UVRAG: variants seen among roughly 807,000 people sequenced by gnomAD.
UVRAG encodes UV radiation resistance-associated gene protein.
Under a neutral mutation model 78.0 loss-of-function variants are expected in UVRAG, and 19 were observed. That is an observed-to-expected ratio of 0.24 (90% CI 0.17 to 0.36). The LOEUF is 0.36. Ranked by LOEUF, UVRAG falls within the 10% of genes least tolerant of loss-of-function variation. The pLI is 1.00. For missense variants in UVRAG, 740 were observed against 853.8 expected, an observed-to-expected ratio of 0.87 and a Z score of 1.66; for synonymous variants, 323 against 324.6, an observed-to-expected ratio of 1.00 and a Z score of 0.05.
intron 12 of UVRAG, among the ~76,000 whole-genome samples, chr11:76,030,949 A>G (rs917188495): frequency 3.9e-5 from 6 of 152,138 alleles, no homozygotes; most frequent in African/African-American, 7.2e-5. Flanking sequence ...TGTCTGAAAT[A>G]TTTTCAGGGT....
intron 14 of UVRAG, among the ~76,000 whole-genome samples, chr11:76,120,683 T>C (rs1410696118): frequency 6.6e-6 from 1 of 152,198 alleles, no homozygotes; most frequent in Non-Finnish European, 1.5e-5. Context: ...TAAAATAGGC[T>C]ACTAAAGTAG....
At chr11:76,110,620 G>A (rs74538954) in intron 13 of UVRAG, among the ~76,000 whole-genome samples, 109 of 152,202 alleles carry the variant, frequency 7.2e-4, no homozygotes, top group South Asian at 2.1e-3. Context: ...TAGGGTCAAG[G>A]GTAAAATGCC....
chr11:75,924,958 A>T (rs1014695811), intron 6 of UVRAG, among the ~76,000 whole-genome samples: 2 of 152,232 alleles, frequency 1.3e-5, no homozygotes, highest in Non-Finnish European at 2.9e-5. Flanking sequence ...ATAAAATAGG[A>T]AGAATAAAAT....
intron 11 of UVRAG, among the ~76,000 whole-genome samples, chr11:76,015,484 T>C (rs1341826014): frequency 6.6e-6 from 1 of 152,172 alleles, no homozygotes; most frequent in African/African-American, 2.4e-5. Flanking sequence ...TGAGCCTTAG[T>C]TTGTTTATCT....
intron 6 of UVRAG, among the ~76,000 whole-genome samples, chr11:75,928,955 A>AAAAAAAAAAAAAAAAAAAAAAAT (rs1948172057): frequency 6.6e-6 from 1 of 150,686 alleles, no homozygotes; most frequent in African/African-American, 2.4e-5. Context: ...AAAAAAAAAA[A>AAAAAAAAAAAAAAAAAAAAAAAT]AAAAAAAAAG....
Position 75,995,501 on chromosome 11 carries a change from G to GAA in UVRAG, c.827-8490_827-8489dup, listed in dbSNP as rs71471398. ...TGTAATAGTTTCTTATTGTCATTTT[G>GAA]AAAAAAAAAAAAAAAGAGTAATTAA... is the stretch of plus-strand genomic sequence containing the variant. On this transcript the variant is annotated intron_variant, in intron 8 of 14. Coordinates refer to ENST00000356136, the MANE Select transcript of UVRAG (RefSeq NM_003369.4). 4.0e-3 allele frequency among the ~76,000 whole-genome samples: 481 copies of GAA among 120,046 alleles called. 3 individuals are homozygous for GAA. Among genetic ancestry groups the GAA allele is most frequent in the East Asian group, 0.026 (88 of 3,426 alleles). 78.8% of individuals were successfully genotyped at this position (120,046 alleles called of 152,430 possible).
chr11:76,078,533 G>T (rs1452907702), intron 13 of UVRAG, among the ~76,000 whole-genome samples: 2 of 151,740 alleles, frequency 1.3e-5, no homozygotes, highest in Non-Finnish European at 2.9e-5. Context: ...TGAAAGGAAT[G>T]AAATTTTGTC....
chr11:76,096,687 C>A (rs907564468), intron 13 of UVRAG, among the ~76,000 whole-genome samples: 1 of 152,178 alleles, frequency 6.6e-6, no homozygotes, highest in African/African-American at 2.4e-5. Context: ...CCATAGAATT[C>A]TGTGCCTAAC....
rs11825050 is a variant in UVRAG at position 75,815,801 on chromosome 11, C to A, written c.117+277C>A. On this transcript the variant is annotated intron_variant, in intron 1 of 14. Coordinates refer to ENST00000356136, the MANE Select transcript of UVRAG (RefSeq NM_003369.4). ...AGCTCAAGTCCCTGGGGCCCCGGCC[C>A]GAGGCCGCCTCCCCCAACGCAGGGA... 9.1e-3 allele frequency among the ~76,000 whole-genome samples: 1,384 copies of A among 152,244 alleles called. 23 individuals carry two copies. Among genetic ancestry groups the A allele is most frequent in the African/African-American group, 0.032 (1,333 of 41,550 alleles).
Position 76,078,648 on chromosome 11 carries a change from A to G in UVRAG, c.1305+12860A>G, listed in dbSNP as rs140285957. On this transcript the variant is annotated intron_variant, in intron 13 of 14. Transcript: ENST00000356136. Reference sequence around the variant, plus strand: ...ACCGGGTGCGGTGGCTCACACCTGTAATCCCAGCACTTTGGGAGGCCGAGG... The same window carrying G: ...ACCGGGTGCGGTGGCTCACACCTGTGATCCCAGCACTTTGGGAGGCCGAGG... Among the ~76,000 whole-genome samples the G allele has an allele frequency of 5.7e-3, 863 of 151,476 alleles. 9 individuals carry two copies. Among genetic ancestry groups the G allele is most frequent in the African/African-American group, 0.019 (803 of 41,214 alleles).
chr11:75,913,062 AT>A (rs762986946), intron 6 of UVRAG, among the ~76,000 whole-genome samples: 16 of 152,350 alleles, frequency 1.1e-4, no homozygotes, highest in Admixed American at 3.9e-4. Context: ...TAGTAAACAT[AT>A]TTTAATGCCT....
chr11:75,854,672 C>G (rs896838477), intron 2 of UVRAG, among the ~76,000 whole-genome samples: 2 of 152,182 alleles, frequency 1.3e-5, no homozygotes, highest in African/African-American at 4.8e-5. Context: ...CCATCTTAGT[C>G]TCCCAAAATG....
At chr11:76,056,435 G>A (rs979701388) in intron 12 of UVRAG, among the ~76,000 whole-genome samples, 9 of 152,294 alleles carry the variant, frequency 5.9e-5, no homozygotes, top group Admixed American at 3.3e-4. Flanking sequence ...ACCTTTTTCC[G>A]TAGAGCGTAA....
chr11:76,025,768 G>A (rs1950316224), intron 12 of UVRAG, among the ~76,000 whole-genome samples: 1 of 152,104 alleles, frequency 6.6e-6, no homozygotes, highest in Non-Finnish European at 1.5e-5. Flanking sequence ...CAAGATCATA[G>A]TCATTGCATG....
chr11:75,815,955 A>G (rs561081660), intron 1 of UVRAG, among the ~76,000 whole-genome samples: 1 of 152,328 alleles, frequency 6.6e-6, no homozygotes, highest in South Asian at 2.1e-4. Context: ...ATCCCCGCTT[A>G]CGGAGAAACC....
chr11:76,068,567 A>G (rs189543413), intron 13 of UVRAG, among the ~76,000 whole-genome samples: 2 of 152,252 alleles, frequency 1.3e-5, no homozygotes, highest in South Asian at 2.1e-4. Context: ...TGGCTTTTTT[A>G]TATTTCAAAA....
intron 6 of UVRAG, among the ~76,000 whole-genome samples, chr11:75,951,465 C>A (rs574751177): frequency 6.6e-6 from 1 of 152,050 alleles, no homozygotes; most frequent in Non-Finnish European, 1.5e-5. Flanking sequence ...TCACCACAAC[C>A]TCTGCCTCCC....
rs538169258 is a variant in UVRAG, at chr11:75,892,718, G to C, written c.507+3815G>C. Among the ~76,000 whole-genome samples the C allele has an allele frequency of 2.4e-4, 37 of 152,162 alleles. No homozygotes were observed. The South Asian group carries it at 7.7e-3, about 32-fold the overall frequency. On this transcript the variant is annotated intron_variant, in intron 5 of 14. Coordinates refer to ENST00000356136, the MANE Select transcript of UVRAG (RefSeq NM_003369.4). The stretch of plus-strand genomic sequence containing the variant: ...TCAGCAGATCTTGCCCCCTTTACCA[G>C]CTTTCAAATGAACACCTGACATGTA...
chr11:76,003,003 G>A (rs568499800), intron 8 of UVRAG, among the ~76,000 whole-genome samples: 1 of 152,116 alleles, frequency 6.6e-6, no homozygotes, highest in South Asian at 2.1e-4. Context: ...CCTCAGCTTG[G>A]GGAAGTTGAG....
Sources: allele counts gnomAD v4.1 joint callset (sites outside exome capture counted in the v4.1 genomes callset), GRCh38; gene constraint gnomAD v4.1.1; transcripts MANE v1.5; gene names NCBI Gene and HGNC (gene_info 2026-07-23, HGNC 2026-07-21).